Variants in SPOCK2 observed in about 807,000 individuals in gnomAD.
SPOCK2 encodes the protein SPARC (osteonectin), cwcv and kazal like domains proteoglycan 2, also known as testican-2.
Under a neutral mutation model 60.1 loss-of-function variants are expected in SPOCK2, and 39 were observed. The ratio of observed to expected loss-of-function variants is 0.65; its 90% CI spans 0.50 to 0.85. SPOCK2 has a LOEUF of 0.85. Ranked by LOEUF, SPOCK2 falls within the 40% of genes least tolerant of loss-of-function variation. The probability of loss-of-function intolerance (pLI) is 0.00; values close to 1 mark genes in which losing one functional copy is unlikely to be tolerated. For missense variants in SPOCK2, 523 were observed against 567.4 expected, an observed-to-expected ratio of 0.92 and a Z score of 0.80; for synonymous variants, 217 against 231.5, an observed-to-expected ratio of 0.94 and a Z score of 0.57.
Position 72,066,893 on chromosome 10 carries a change from T to A in SPOCK2, c.928+9A>T, listed in dbSNP as rs1435386028. 6.2e-7 allele frequency: 1 copy of A among 1,613,994 alleles called. No individual in the cohort carries two copies. Among genetic ancestry groups the A allele is most frequent in the Non-Finnish European group, 8.5e-7 (1 of 1,179,990 alleles). ...TGAGGCAGGGGCCTGGGAGGGGGGCTGCACTCACTCTCCCTCCAGAAGCAG... is the reference window on the plus strand; with the variant it reads ...TGAGGCAGGGGCCTGGGAGGGGGGCAGCACTCACTCTCCCTCCAGAAGCAG... On this transcript the variant is annotated intron_variant, in intron 8 of 10. Coordinates refer to ENST00000373109, the MANE Select transcript of SPOCK2 (RefSeq NM_001244950.2).
intron 1 of SPOCK2, among the ~76,000 whole-genome samples, chr10:72,074,200 TA>T (rs1274550812): frequency 6.6e-6 from 1 of 152,068 alleles, no homozygotes; most frequent in Admixed American, 6.5e-5. Flanking sequence ...GAAGGGTGCC[TA>T]AAGGGCTTTG....
rs146771369 is a variant in SPOCK2 at position 72,072,380 on chromosome 10, G to A, written c.245-122C>T. On this transcript the variant is annotated intron_variant, in intron 3 of 10. Coordinates refer to ENST00000373109, the MANE Select transcript of SPOCK2 (RefSeq NM_001244950.2). ...TTGATAACCAGAGCTCCTGAGCTCA[G>A]GAGTCCCATCCCCACCGGGGCCTGG... The A allele has an allele frequency of 9.3e-6, 14 of 1,509,224 alleles. No individual in the cohort carries two copies. The East Asian group carries it at 3.0e-4, about 33-fold the overall frequency. The allele number at this position is 1,509,224 out of a possible 1,614,324, so 93.5% of individuals were successfully genotyped here.
At chr10:72,077,785 C>A (rs887911570) in intron 1 of SPOCK2, among the ~76,000 whole-genome samples, 2 of 152,152 alleles carry the variant, frequency 1.3e-5, no homozygotes, top group African/African-American at 4.8e-5. Flanking sequence ...TCCTGGAGCA[C>A]GCTTACCGTG....
At chr10:72,072,650 T>G in intron 2 of SPOCK2, 102 bp from the exon 3 acceptor site, 1 of 1,545,176 alleles carries the variant, frequency 6.5e-7, no homozygotes, top group Non-Finnish European at 8.9e-7. Context: ...CGATGTCATG[T>G]GCCAATGGCC....
chr10:72,063,045 G>A lies in SPOCK2; in HGVS notation c.1109C>T (p.Thr370Met), dbSNP rs564644987. The A allele has an allele frequency of 2.3e-5, 35 of 1,553,740 alleles. No individual in the cohort carries two copies. The highest frequency in any genetic ancestry group is 7.3e-5 in the East Asian group (3 of 41,068). The part of the protein sequence containing the change: ...QLGLELTGTR[T>M]HGSPDCDDIV... ...CGTACCGCAGTCGGGGCTCCCATGCGTGCGCGTGCCAGTCAGCTCCAGGCC... is the reference window on the plus strand; with the variant it reads ...CGTACCGCAGTCGGGGCTCCCATGCATGCGCGTGCCAGTCAGCTCCAGGCC... Residue 370 changes from threonine (T) to methionine (M), a missense_variant, in exon 10 of 11, where the codon ACG (threonine) becomes ATG (methionine). Thr to Met is a moderately conservative substitution (Grantham distance 81, BLOSUM62 -1). Transcript: ENST00000373109.
rs939021832 is a variant in SPOCK2, at chr10:72,061,201, A to G, written c.*1559T>C. ...AAACAGCAACAAACAAACAAAAGAAATGCACAGGGCCTCTTCTCATCTGGT... is the reference window on the plus strand; with the variant it reads ...AAACAGCAACAAACAAACAAAAGAAGTGCACAGGGCCTCTTCTCATCTGGT... On this transcript the variant is annotated 3_prime_UTR_variant, in exon 11 of 11. Transcript: ENST00000373109. 2 of 152,390 alleles carry G rather than the reference A, an allele frequency of 1.3e-5. No individual in the cohort carries two copies. The highest frequency in any genetic ancestry group is 1.3e-4 in the Admixed American group (2 of 15,290). The allele number at this position is 152,390 out of a possible 1,614,324, so 9.4% of individuals were successfully genotyped here. A position where few individuals can be genotyped will look rare whatever the true frequency, so the allele number is the denominator to read the frequency against.
intron 4 of SPOCK2, among the ~76,000 whole-genome samples, chr10:72,071,443 C>T (rs1468226568): frequency 6.6e-6 from 1 of 152,216 alleles, no homozygotes; most frequent in Non-Finnish European, 1.5e-5. Flanking sequence ...CCCGCCTTGG[C>T]TTCCCAAAGT....
In SPOCK2 at chr10:72,072,501, A is replaced by T; in HGVS notation, c.244+2T>A. ...CTTCCCCCGCCGGGAGAGTCATGTT[A>T]CCTTCATCTCCTTGCTGATTGTCCT... On this transcript the variant is annotated splice_donor_variant, in intron 3 of 10. Coordinates refer to ENST00000373109, the MANE Select transcript of SPOCK2 (RefSeq NM_001244950.2). LOFTEE classifies it high-confidence loss of function. 1 of 1,613,924 alleles carries T rather than the reference A, an allele frequency of 6.2e-7. No individual in the cohort carries two copies. The highest frequency in any genetic ancestry group is 1.1e-5 in the South Asian group (1 of 91,064).
At chr10:72,064,009 C>A (rs1198783975) in intron 9 of SPOCK2, among the ~76,000 whole-genome samples, 169 bp downstream of exon 9, 4 of 152,226 alleles carry the variant, frequency 2.6e-5, no homozygotes, top group African/African-American at 9.6e-5. Flanking sequence ...CCCTGCCCCA[C>A]CACAAGGATA....
At chr10:72,067,801 A>G (rs1840591295) in intron 6 of SPOCK2, 69 bp from the exon 7 acceptor site, 4 of 1,566,272 alleles carry the variant, frequency 2.6e-6, no homozygotes, top group Admixed American at 3.7e-5. Context: ...TCAGTCTGGG[A>G]TCCTGCCCTA....
intron 1 of SPOCK2, among the ~76,000 whole-genome samples, chr10:72,078,517 A>C (rs1260507116): frequency 1.3e-5 from 2 of 151,870 alleles, no homozygotes; most frequent in Non-Finnish European, 2.9e-5. Flanking sequence ...TCTCAAAAAA[A>C]TAAAGAAATA....
intron 1 of SPOCK2, among the ~76,000 whole-genome samples, chr10:72,075,916 C>T (rs1394015703): frequency 6.6e-6 from 1 of 152,168 alleles, no homozygotes; most frequent in Non-Finnish European, 1.5e-5. Flanking sequence ...GGCAAGCACC[C>T]GACCTCGAGG....
At chr10:72,068,712 A>C in intron 5 of SPOCK2, 3 of 183,760 alleles carry the variant, frequency 1.6e-5, no homozygotes, top group Non-Finnish European at 1.1e-5. Flanking sequence ...CCTTCCCTCA[A>C]TGATCTCCCC....
intron 1 of SPOCK2, among the ~76,000 whole-genome samples, chr10:72,073,242 G>A (rs998347391): frequency 7.2e-5 from 11 of 152,206 alleles, no homozygotes; most frequent in African/African-American, 7.2e-5. Flanking sequence ...ATGCTGCGTA[G>A]GAACAGAGCT....
intron 1 of SPOCK2, among the ~76,000 whole-genome samples, chr10:72,079,311 T>C (rs1232189366): frequency 1.3e-5 from 2 of 152,188 alleles, no homozygotes; most frequent in Non-Finnish European, 2.9e-5. Context: ...TGGTTTCTCC[T>C]ACCACACCAA....
chr10:72,074,634 T>A (rs1028797376), intron 1 of SPOCK2, among the ~76,000 whole-genome samples: 2 of 152,198 alleles, frequency 1.3e-5, no homozygotes, highest in African/African-American at 4.8e-5. Context: ...CAGCCTCCAG[T>A]TTCACACTCG....
intron 4 of SPOCK2, among the ~76,000 whole-genome samples, chr10:72,071,648 A>G (rs877663): frequency 0.26 from 40,057 of 152,136 alleles, 8,413 homozygotes; most frequent in African/African-American, 0.58. Flanking sequence ...GAGATACTAC[A>G]TCAAGGCCCA....
intron 1 of SPOCK2, among the ~76,000 whole-genome samples, chr10:72,081,375 G>A (rs749226246): frequency 6.6e-6 from 1 of 152,210 alleles, no homozygotes; most frequent in African/African-American, 2.4e-5. Flanking sequence ...CCAGGCAGAG[G>A]TAAGACACCA....
chr10:72,064,337 C>A, intron 8 of SPOCK2, 97 bp from the exon 9 acceptor site: 1 of 1,336,594 alleles, frequency 7.5e-7, no homozygotes, highest in Non-Finnish European at 9.9e-7. Flanking sequence ...AGGGGCTCTG[C>A]AAGATGAAAA....
Sources: gnomAD v4.1 joint callset for allele counts (sites outside exome capture counted in the v4.1 genomes callset) on GRCh38, gnomAD v4.1.1 for gene constraint, MANE v1.5 for transcripts, NCBI Gene and HGNC (gene_info 2026-07-23, HGNC 2026-07-21) for gene names.